Variants in LAMB2 observed in about 807,000 individuals in gnomAD.
LAMB2 encodes the protein laminin subunit beta-2.
In LAMB2, 119 loss-of-function variants were observed where a neutral mutation model predicts 202.7. The observed-to-expected ratio is 0.59, with a 90% CI of 0.51 to 0.68. The LOEUF (loss-of-function observed/expected upper bound fraction) is 0.68, where lower values mean the gene tolerates loss of function less well. Ranked by LOEUF, LAMB2 falls within the 30% of genes least tolerant of loss-of-function variation. The pLI is 0.00. For synonymous variants in LAMB2, 818 were observed against 902.2 expected, an observed-to-expected ratio of 0.91 and a Z score of 1.67; for missense variants, 2,124 against 2,410.6, an observed-to-expected ratio of 0.88 and a Z score of 2.49.
rs768288934 is a variant in LAMB2, at chr3:49,124,786, C to T, written c.3024G>A (p.Leu1008=). Residue 1008 remains leucine (L), a synonymous_variant, in exon 21 of 32, where the codon CTG becomes CTA. Transcript: ENST00000305544. ...GACCCTCTGTGTGGTGTAAACAGCG[C>T]AGGCATTGCCCCGTGTGGGGGTCAC... The part of the protein sequence containing the change: ...DACDPHTGQC[L]RCLHHTEGPH... 6.2e-7 allele frequency: 1 copy of T among 1,614,222 alleles called. No individual in the cohort carries two copies. The highest frequency in any genetic ancestry group is 8.5e-7 in the Non-Finnish European group (1 of 1,180,044).
At position 49,125,143 on chromosome 3, in the gene LAMB2, G is replaced by A. The variant is rs2045397616; in HGVS notation, c.2747C>T (p.Pro916Leu). The change falls in exon 20 of 32, where the codon CCA becomes CTA. Residue 916 changes from proline (P) to leucine (L), a missense_variant. By Grantham distance (98) the Pro-to-Leu change is moderately conservative. Transcript: ENST00000305544. ...GCACTGGCCCCCATATGGCAGCCGTGGGTCCCCGTGGAAACCAGCAATGCA... is the reference window on the plus strand; with the variant it reads ...GCACTGGCCCCCATATGGCAGCCGTAGGTCCCCGTGGAAACCAGCAATGCA... ...ERCIAGFHGDPRLPYGGQCRP... is the reference protein window; with the variant it reads ...ERCIAGFHGDLRLPYGGQCRP... 6.2e-7 allele frequency: 1 copy of A among 1,613,412 alleles called. No individual in the cohort carries two copies.
In LAMB2 at chr3:49,122,915, G is replaced by A; in HGVS notation, c.4362C>T (p.Gly1454=). 1.9e-6 allele frequency: 3 copies of A among 1,609,236 alleles called. No homozygotes were observed. The highest frequency in any genetic ancestry group is 8.5e-7 in the Non-Finnish European group (1 of 1,179,944). The change falls in exon 27 of 32, where the codon GGC becomes GGT. Residue 1454 remains glycine (G), a synonymous_variant. Transcript: ENST00000305544. ...GAAATADLAL[G]RARHTQAELQ... ...GCTCTGCCTGTGTGTGCCGGGCCCG[G>A]CCCAGTGCTAGGTCTGCTGTAGCCG...
rs1354850669 is a variant in LAMB2 at position 49,131,371 on chromosome 3, G to A, written c.712+8C>T. ...GACTGTGCCAGACTCAAAGGGTGGA[G>A]CACTCACTCTGAATCCGTGAGCTGT... On this transcript the variant is annotated splice_region_variant and intron_variant, in intron 6 of 31. Transcript: ENST00000305544. This position sits in a 1 kb window ranked among gnomAD's most constrained non-coding sequence, Gnocchi z 5.0. The A allele has an allele frequency of 3.1e-6, 5 of 1,613,302 alleles. No individual in the cohort carries two copies. The African/African-American group carries it at 4.0e-5, about 13-fold the overall frequency.
Position 49,131,500 on chromosome 3 carries a change from A to G in LAMB2, c.648+35T>C. 6.2e-7 allele frequency: 1 copy of G among 1,613,946 alleles called. No homozygotes were observed. Among genetic ancestry groups the G allele is most frequent in the South Asian group, 1.1e-5 (1 of 91,074 alleles). On this transcript the variant is annotated intron_variant, in intron 5 of 31. Coordinates refer to ENST00000305544, the MANE Select transcript of LAMB2 (RefSeq NM_002292.4). This position sits in a 1 kb window ranked among gnomAD's most constrained non-coding sequence, Gnocchi z 5.0. ...ACCTTGCCTCAGGCCCATCATCCCC[A>G]GCTTCCAGCCCCCAGCCCAGATGCC...
At chr3:49,128,313 A>G (rs1284161525) in intron 15 of LAMB2, 145 bp downstream of exon 15, 38 of 1,090,678 alleles carry the variant, frequency 3.5e-5, no homozygotes, top group Non-Finnish European at 4.8e-5. Context: ...GCCATGCCCA[A>G]CAGGGCCTGG....
Position 49,126,125 on chromosome 3 carries a change from A to T in LAMB2, c.2186T>A (p.Met729Lys), listed in dbSNP as rs376660822. 1.7e-5 allele frequency: 27 copies of T among 1,613,498 alleles called. 1 individual carries two copies. In the East Asian group the frequency reaches 2.5e-4, roughly 15 times the overall value. ...GGCAGCAGCATCACCCCCACTAAAC[A>T]TCTCTAGCACCAGGACACGGGGCAG... is the stretch of plus-strand genomic sequence containing the variant. ...VLLPRVLVLEMFSGGDAAALE... is the reference protein window; with the variant it reads ...VLLPRVLVLEKFSGGDAAALE... Residue 729 changes from methionine (M) to lysine (K), a missense_variant, in exon 17 of 32, where the codon ATG (methionine) becomes AAG (lysine). Coordinates refer to ENST00000305544, the MANE Select transcript of LAMB2 (RefSeq NM_002292.4).
Position 49,121,576 on chromosome 3 carries a change from A to C in LAMB2, c.5117T>G (p.Leu1706Arg). The C allele has an allele frequency of 6.2e-7, 1 of 1,613,996 alleles. No individual in the cohort carries two copies. The highest frequency in any genetic ancestry group is 2.2e-5 in the East Asian group (1 of 44,892). ...CTTCACCGTCTGGTACTGATCACCC[A>C]GAGGACCGCGTAGCAGCTGCAGATG... ...QEAEQLLRGP[L>R]GDQYQTVKAL... Residue 1706 changes from leucine (L) to arginine (R), a missense_variant, in exon 31 of 32, where the codon CTG (leucine) becomes CGG (arginine). Leu to Arg is a moderately radical substitution (Grantham distance 102, BLOSUM62 -2). This residue lies in a region of LAMB2 where 1,702 missense variants were observed against 1,896.3 expected (regional missense o/e 0.90). Transcript: ENST00000305544.
At position 49,125,297 on chromosome 3, in the gene LAMB2, A is replaced by G. The variant is rs773963041; in HGVS notation, c.2676T>C (p.Ala892=). ...HADECNTHTG[A]CLGCRDHTGG... is the part of the protein sequence containing the mutation. ...CTGTGTGATCACGGCAGCCCAGGCAAGCGCCTGTGTGGGTGTTGCACTCAT... is the reference window on the plus strand; with the variant it reads ...CTGTGTGATCACGGCAGCCCAGGCAGGCGCCTGTGTGGGTGTTGCACTCAT... The change falls in exon 19 of 32, where the codon GCT becomes GCC. Residue 892 remains alanine (A), a synonymous_variant. Transcript: ENST00000305544. 6.2e-7 allele frequency: 1 copy of G among 1,613,936 alleles called. No individual in the cohort carries two copies. The highest frequency in any genetic ancestry group is 1.1e-5 in the South Asian group (1 of 91,088).
In LAMB2 at chr3:49,129,065, G is replaced by T; in HGVS notation, c.1686C>A (p.Pro562=). The T allele has an allele frequency of 1.9e-6, 3 of 1,613,284 alleles. No homozygotes were observed. Among genetic ancestry groups the T allele is most frequent in the Non-Finnish European group, 1.7e-6 (2 of 1,180,040 alleles). Residue 562 remains proline, a synonymous_variant, in exon 13 of 32, where the codon CCC becomes CCA. Transcript: ENST00000305544. This position sits in a 1 kb window ranked among gnomAD's most constrained non-coding sequence, Gnocchi z 6.1. ...CCTCCCAAATTAGGTGGTCCAGGAA[G>T]GGCCGGAAGTAGCCAGGTTGCACCT... The part of the protein sequence containing the change: ...CEQVQPGYFR[P]FLDHLIWEAE...
At chr3:49,126,239 C>T in intron 16 of LAMB2, 80 bp from the exon 17 acceptor site, 2 of 1,601,784 alleles carry the variant, frequency 1.2e-6, no homozygotes, top group South Asian at 2.2e-5. Flanking sequence ...TTAGCACTGC[C>T]ACAAGCCTGC....
Position 49,122,259 on chromosome 3 carries a change from C to T in LAMB2, c.4685G>A (p.Arg1562Gln), listed in dbSNP as rs1436788491. The T allele has an allele frequency of 3.7e-6, 6 of 1,613,506 alleles. No homozygotes were observed. The highest frequency in any genetic ancestry group is 2.2e-5 in the East Asian group (1 of 44,880). Residue 1562 changes from arginine (R) to glutamine (Q), a missense_variant, in exon 28 of 32, where the codon CGA (arginine) becomes CAA (glutamine). Around this residue, in one of 3 missense-constraint regions of LAMB2, gnomAD observed 1,702 missense variants for 1,896.3 expected, o/e 0.90. Coordinates refer to ENST00000305544, the MANE Select transcript of LAMB2 (RefSeq NM_002292.4). ...ATCCACATCTGCCAGGCTCCGGACT[C>T]GCTCTGCAATCGCACCCGCCAGGTG... ...IQHLAGAIAE[R>Q]VRSLADVDAI...
Position 49,129,451 on chromosome 3 carries a change from G to T in LAMB2, c.1519-127C>A. 1 of 1,099,142 alleles carries T rather than the reference G, an allele frequency of 9.1e-7. No individual in the cohort carries two copies. Among genetic ancestry groups the T allele is most frequent in the Non-Finnish European group, 1.4e-6 (1 of 734,702 alleles). 68.1% of individuals were successfully genotyped at this position (1,099,142 alleles called of 1,614,324 possible). A position where few individuals can be genotyped will look rare whatever the true frequency, so the allele number is the denominator to read the frequency against. On this transcript the variant is annotated intron_variant, in intron 11 of 31. Coordinates refer to ENST00000305544, the MANE Select transcript of LAMB2 (RefSeq NM_002292.4). The surrounding 1 kb of genome is among the most constrained non-coding windows in gnomAD (Gnocchi z 6.1). ...GTGAAAACATGCCCCCCAGACCACT[G>T]GCCCACATCCTTGGCCTCCCAGACC...
rs188301083 is a variant in LAMB2 at position 49,122,111 on chromosome 3, T to C, written c.4782-26A>G. On this transcript the variant is annotated intron_variant, in intron 28 of 31. Coordinates refer to ENST00000305544, the MANE Select transcript of LAMB2 (RefSeq NM_002292.4). ...CTGGGGAGAAGGGGGAATCAGAACCTGGAGGTATCAAAACCAGGTGTCAGG... is the reference window on the plus strand; with the variant it reads ...CTGGGGAGAAGGGGGAATCAGAACCCGGAGGTATCAAAACCAGGTGTCAGG... 9.0e-5 allele frequency: 145 copies of C among 1,613,450 alleles called. 1 individual carries two copies. The African/African-American group carries it at 1.6e-3, about 18-fold the overall frequency.
rs760505149 is a variant in LAMB2 at position 49,130,245 on chromosome 3, G to T, written c.1211C>A (p.Pro404Gln). Residue 404 changes from proline to glutamine, a missense_variant, in exon 9 of 32, where the codon CCG becomes CAG. Transcript: ENST00000305544. The surrounding 1 kb of genome is among the most constrained non-coding windows in gnomAD (Gnocchi z 5.0). ...CCCAGCCTCACAGCGGCACACAGCCGGATCCCGCAGGTCCTTGGTTGGGTC... is the reference window on the plus strand; with the variant it reads ...CCCAGCCTCACAGCGGCACACAGCCTGATCCCGCAGGTCCTTGGTTGGGTC... ...YRDPTKDLRD[P>Q]AVCRSCDCDP... is the part of the protein sequence containing the mutation. 2.5e-6 allele frequency: 4 copies of T among 1,614,190 alleles called. No individual in the cohort carries two copies. The highest frequency in any genetic ancestry group is 3.4e-6 in the Non-Finnish European group (4 of 1,180,046).
In LAMB2 at chr3:49,131,984, G is replaced by A; in HGVS notation, c.459+132C>T. The A allele has an allele frequency of 3.1e-6, 3 of 953,234 alleles. No individual in the cohort carries two copies. Among genetic ancestry groups the A allele is most frequent in the Non-Finnish European group, 5.1e-6 (3 of 591,274 alleles). The allele number at this position is 953,234 out of a possible 1,614,324, so 59.0% of individuals were successfully genotyped here. A position where few individuals can be genotyped will look rare whatever the true frequency, so the allele number is the denominator to read the frequency against. On this transcript the variant is annotated intron_variant, in intron 4 of 31. Transcript: ENST00000305544. The surrounding 1 kb of genome is among the most constrained non-coding windows in gnomAD (Gnocchi z 5.0). ...ATGTGCAAAGGCCTGGAGGCAAATGGAAGGTGTGAAGGGATGAAGGAGCCT... is the reference window on the plus strand; with the variant it reads ...ATGTGCAAAGGCCTGGAGGCAAATGAAAGGTGTGAAGGGATGAAGGAGCCT...
chr3:49,130,127 C>T lies in LAMB2; in HGVS notation c.1225+104G>A, dbSNP rs527997741. 1.3e-4 allele frequency: 207 copies of T among 1,584,316 alleles called. No individual in the cohort carries two copies. In the Middle Eastern group the frequency reaches 1.7e-3, roughly 13 times the overall value. On this transcript the variant is annotated intron_variant, in intron 9 of 31. Coordinates refer to ENST00000305544, the MANE Select transcript of LAMB2 (RefSeq NM_002292.4). The surrounding 1 kb of genome is among the most constrained non-coding windows in gnomAD (Gnocchi z 5.0). Reference sequence around the variant, plus strand: ...CCCTGGATCCCTGGTCAAGTTCTATCCCAAGCCCCTAACCCCAATTTCCTG... The same window carrying T: ...CCCTGGATCCCTGGTCAAGTTCTATTCCAAGCCCCTAACCCCAATTTCCTG...
Position 49,124,216 on chromosome 3 carries a change from C to T in LAMB2, c.3398G>A (p.Trp1133Ter), listed in dbSNP as rs1324864484. 2 of 1,614,048 alleles carry T rather than the reference C, an allele frequency of 1.2e-6. No individual in the cohort carries two copies. Among genetic ancestry groups the T allele is most frequent in the Non-Finnish European group, 1.7e-6 (2 of 1,179,964 alleles). ...RTCSECQELH[W>*]GDPGLQCHAC... is the part of the protein sequence containing the mutation. ...ATGGCACTGCAACCCAGGGTCTCCC[C>T]AGTGGAGCTCTTGGCACTCAGAACA... Residue 1133 changes from tryptophan to a stop codon, truncating the protein, a stop_gained, in exon 23 of 32, where the codon TGG (tryptophan) becomes TAG (stop). Coordinates refer to ENST00000305544, the MANE Select transcript of LAMB2 (RefSeq NM_002292.4). LOFTEE classifies it high-confidence loss of function.
Position 49,123,819 on chromosome 3 carries a change from C to G in LAMB2, c.3706G>C (p.Glu1236Gln). The stretch of plus-strand genomic sequence containing the variant: ...ATGCCCTGCACAATGCCCAGCTTCT[C>G]CTGCATGTGCCAGAAGCTGCTCTCA... ...AFESSFWHMQ[E>Q]KLGIVQGIVG... is the part of the protein sequence containing the mutation. Residue 1236 changes from glutamate (E) to glutamine (Q), a missense_variant, in exon 24 of 32, where the codon GAG (glutamate) becomes CAG (glutamine). Physicochemically the swap from Glu to Gln is conservative, Grantham distance 29 (BLOSUM62 2). Transcript: ENST00000305544. The G allele has an allele frequency of 6.2e-7, 1 of 1,613,298 alleles. No homozygotes were observed. The highest frequency in any genetic ancestry group is 8.5e-7 in the Non-Finnish European group (1 of 1,179,936).
chr3:49,132,854 G>C lies in LAMB2; in HGVS notation c.14C>G (p.Ser5Ter). The part of the protein sequence containing the change: MELT[S>*]RERGRGQPLP... ...AGGCTGTCCCCTCCCTCTTTCCCTT[G>C]AGGTCAGCTCCATCCTGAAGAGGGG... Residue 5 changes from serine (S) to a stop codon, truncating the protein, a stop_gained, in exon 1 of 32, where the codon TCA becomes TGA. Transcript: ENST00000305544. LOFTEE classifies it high-confidence loss of function. This position sits in a 1 kb window ranked among gnomAD's most constrained non-coding sequence, Gnocchi z 4.6. 1 of 1,614,098 alleles carries C rather than the reference G, an allele frequency of 6.2e-7. No homozygotes were observed. The highest frequency in any genetic ancestry group is 8.5e-7 in the Non-Finnish European group (1 of 1,180,006).
Sources: gnomAD v4.1 joint callset for allele counts on GRCh38, gnomAD v4.1.1 for gene constraint, gnomAD v4.1.1 regional missense constraint, Gnocchi (gnomAD v3.1) non-coding constraint, MANE v1.5 for transcripts, NCBI Gene and HGNC (gene_info 2026-07-23, HGNC 2026-07-21) for gene names.